The following CMSS1 variants were observed in gnomAD, a reference collection of about 807,000 sequenced individuals.
CMSS1 encodes the protein cms1 ribosomal small subunit homolog, also known as protein CMSS1.
CMSS1 carries 33 observed loss-of-function variants against 43.5 expected under a neutral mutation model. The ratio of observed to expected loss-of-function variants is 0.76; its 90% CI spans 0.57 to 1.01. CMSS1 has a LOEUF of 1.01. Ranked by LOEUF, CMSS1 falls within the 50% of genes least tolerant of loss-of-function variation. The probability of loss-of-function intolerance (pLI) is 0.00; values close to 1 mark genes in which losing one functional copy is unlikely to be tolerated. For missense variants in CMSS1, 313 were observed against 326.4 expected, an observed-to-expected ratio of 0.96 and a Z score of 0.32; for synonymous variants, 115 against 117.2, an observed-to-expected ratio of 0.98 and a Z score of 0.12.
intron 1 of CMSS1, among the ~76,000 whole-genome samples, chr3:100,095,275 G>A (rs531849684): frequency 1.1e-4 from 16 of 152,040 alleles, no homozygotes; most frequent in Admixed American, 7.8e-4. Context: ...AAAATCTTGC[G>A]GAGATTTTAG....
At chr3:99,856,175 T>C (rs1436426653) in intron 1 of CMSS1, among the ~76,000 whole-genome samples, 2 of 152,230 alleles carry the variant, frequency 1.3e-5, no homozygotes, top group African/African-American at 4.8e-5. Flanking sequence ...AGGCTTTCTA[T>C]AGTTGTACCT....
chr3:100,018,297 G>A (rs1710403654), intron 1 of CMSS1, among the ~76,000 whole-genome samples: 1 of 152,168 alleles, frequency 6.6e-6, no homozygotes, highest in African/African-American at 2.4e-5. Flanking sequence ...TTGCACTCCA[G>A]CCTAGGCGAC....
chr3:99,874,129 A>C (rs748748543), intron 1 of CMSS1, among the ~76,000 whole-genome samples: 5 of 152,204 alleles, frequency 3.3e-5, no homozygotes, highest in South Asian at 4.1e-4. Flanking sequence ...AAAGTGTGGA[A>C]TATTAAAGAG....
At chr3:100,149,747 G>C (rs534261787) in intron 2 of CMSS1, among the ~76,000 whole-genome samples, 1 of 152,088 alleles carries the variant, frequency 6.6e-6, no homozygotes, top group Non-Finnish European at 1.5e-5. Context: ...TCTCCACAGC[G>C]CCTGACATGG....
chr3:99,910,770 A>G (rs1472463289), intron 1 of CMSS1, among the ~76,000 whole-genome samples: 1 of 83,560 alleles, frequency 1.2e-5, no homozygotes, highest in Non-Finnish European at 3.2e-5. Context: ...AAGAAAGTAG[A>G]TAACTAGAAT....
intron 1 of CMSS1, among the ~76,000 whole-genome samples, chr3:99,948,287 GT>G (rs1190022647): frequency 4.6e-5 from 7 of 152,004 alleles, no homozygotes; most frequent in Non-Finnish European, 1.0e-4. Flanking sequence ...GAGCCCCGGA[GT>G]TTGAGATCAG....
chr3:100,052,426 A>G (rs1293975229), intron 1 of CMSS1, among the ~76,000 whole-genome samples: 1 of 152,184 alleles, frequency 6.6e-6, no homozygotes, highest in Non-Finnish European at 1.5e-5. Context: ...GTAGTGGTGT[A>G]TCCGTGTGCA....
intron 1 of CMSS1, among the ~76,000 whole-genome samples, chr3:99,908,955 C>G (rs890470933): frequency 6.6e-6 from 1 of 152,104 alleles, no homozygotes; most frequent in Non-Finnish European, 1.5e-5. Context: ...TGAGATTACT[C>G]TGACCCCATT....
rs138679416 is a variant in CMSS1 at position 99,998,674 on chromosome 3, C to T, written c.65-148299C>T. 6.1e-3 allele frequency among the ~76,000 whole-genome samples: 930 copies of T among 152,224 alleles called. 11 individuals are homozygous for T. Among genetic ancestry groups the T allele is most frequent in the African/African-American group, 0.021 (859 of 41,550 alleles). The stretch of plus-strand genomic sequence containing the variant: ...GCCTCCCGGGTTCACGCGATTCTCC[C>T]GCCTCAGCCTCCCCAGTAGCTGGGA... On this transcript the variant is annotated intron_variant, in intron 1 of 9. Transcript: ENST00000421999.
intron 1 of CMSS1, among the ~76,000 whole-genome samples, chr3:99,922,429 T>TC (rs1459828151): frequency 6.6e-6 from 1 of 152,146 alleles, no homozygotes; most frequent in Non-Finnish European, 1.5e-5. Context: ...GTAGGACCTT[T>TC]CCCCTGCCCC....
At chr3:100,037,710 C>A (rs1299967677) in intron 1 of CMSS1, among the ~76,000 whole-genome samples, 4 of 152,168 alleles carry the variant, frequency 2.6e-5, no homozygotes, top group African/African-American at 9.7e-5. Context: ...TGATAAGTTT[C>A]TCTATGCATC....
intron 1 of CMSS1, among the ~76,000 whole-genome samples, chr3:100,103,856 G>A (rs1313398077): frequency 2.6e-5 from 4 of 152,156 alleles, no homozygotes; most frequent in East Asian, 1.9e-4. Flanking sequence ...CTGTGTGTTG[G>A]CAGCATTATC....
chr3:99,837,786 AGT>A (rs1190458123), intron 1 of CMSS1, among the ~76,000 whole-genome samples: 2 of 152,224 alleles, frequency 1.3e-5, no homozygotes, highest in African/African-American at 2.4e-5. Context: ...CCAGATTTAG[AGT>A]GTACCATCTG....
intron 1 of CMSS1, among the ~76,000 whole-genome samples, chr3:100,120,490 G>A (rs2066610288): frequency 6.6e-6 from 1 of 152,164 alleles, no homozygotes; most frequent in Admixed American, 6.5e-5. Flanking sequence ...CCTTCCTTCT[G>A]TCTAAAAATG....
chr3:99,828,948 C>CTCAATGCTGCCCATCATCCCTT (rs1576491703), intron 1 of CMSS1, among the ~76,000 whole-genome samples: 3 of 151,880 alleles, frequency 2.0e-5, no homozygotes, highest in South Asian at 2.1e-4. Context: ...CATCATCCCT[C>CTCAATGCTGCCCATCATCCCTT]TCAATGCTGC....
chr3:99,983,465 T>TATATATATATATATATAC (rs1709221123), intron 1 of CMSS1, among the ~76,000 whole-genome samples: 1 of 5,312 alleles, frequency 1.9e-4, no homozygotes, highest in Non-Finnish European at 4.0e-4. Flanking sequence ...TATATGTGTG[T>TATATATATATATATATAC]ATATATATAT....
At chr3:99,976,647 T>A (rs4928233) in intron 1 of CMSS1, among the ~76,000 whole-genome samples, 30,752 of 152,102 alleles carry the variant, frequency 0.2, 3,368 homozygotes, top group African/African-American at 0.29. Flanking sequence ...ATCTTTTTTT[T>A]AAACTGTTTA....
At chr3:100,064,971 CACAT>C (rs2065639330) in intron 1 of CMSS1, among the ~76,000 whole-genome samples, 1 of 152,184 alleles carries the variant, frequency 6.6e-6, no homozygotes, top group Non-Finnish European at 1.5e-5. Context: ...GTTAAACACA[CACAT>C]ACACATGTGT....
chr3:100,088,356 T>G (rs2066048401), intron 1 of CMSS1, among the ~76,000 whole-genome samples: 1 of 152,168 alleles, frequency 6.6e-6, no homozygotes, highest in Non-Finnish European at 1.5e-5. Context: ...TACAGATACC[T>G]AGATCCCCCA....
Sources: gnomAD v4.1 joint callset for allele counts (sites outside exome capture counted in the v4.1 genomes callset) on GRCh38, gnomAD v4.1.1 for gene constraint, MANE v1.5 for transcripts, NCBI Gene and HGNC (gene_info 2026-07-23, HGNC 2026-07-21) for gene names.